The following KLHL2 variants were observed in gnomAD, a reference collection of about 807,000 sequenced individuals.
KLHL2 encodes the protein kelch-like protein 2.
In KLHL2, 15 loss-of-function variants were observed where a neutral mutation model predicts 75.8. That is an observed-to-expected ratio of 0.20 (90% CI 0.13 to 0.30). The LOEUF is 0.30. KLHL2 is among the 10% of genes least tolerant of loss of function. The pLI is 1.00. For synonymous variants in KLHL2, 214 were observed against 251.9 expected (o/e 0.85, Z 1.42); for missense variants, 381 against 741.0 (o/e 0.51, Z 5.64).
chr4:165,254,451 T>G (rs953092185), intron 4 of KLHL2, among the ~76,000 whole-genome samples: 3 of 152,256 alleles, frequency 2.0e-5, no homozygotes, highest in African/African-American at 7.2e-5. Flanking sequence ...TGGACTTTTT[T>G]CTCAAGGTAG....
chr4:165,241,915 A>G (rs1739850074), intron 4 of KLHL2, among the ~76,000 whole-genome samples: 1 of 152,232 alleles, frequency 6.6e-6, no homozygotes, highest in East Asian at 1.9e-4. Flanking sequence ...TATTGTTATT[A>G]TAGTCCCTTC....
intron 6 of KLHL2, among the ~76,000 whole-genome samples, chr4:165,295,145 GA>G (rs1453538816): frequency 1.3e-5 from 2 of 152,122 alleles, no homozygotes; most frequent in East Asian, 3.9e-4. Context: ...GTTGGAGAGA[GA>G]AGCTCCTTTT....
chr4:165,285,221 C>G (rs907132754), intron 5 of KLHL2, among the ~76,000 whole-genome samples: 16 of 152,128 alleles, frequency 1.1e-4, no homozygotes, highest in Middle Eastern at 3.2e-3. Flanking sequence ...GTCAGGTGAC[C>G]TTTCAGATCT....
chr4:165,244,057 CTTTT>C (rs35091242), intron 4 of KLHL2, among the ~76,000 whole-genome samples: 1 of 151,116 alleles, frequency 6.6e-6, no homozygotes, highest in Non-Finnish European at 1.5e-5. Flanking sequence ...AATTTCCAGG[CTTTT>C]TTTTTAAGTG....
intron 5 of KLHL2, among the ~76,000 whole-genome samples, chr4:165,269,572 A>C (rs1275322099): frequency 1.3e-5 from 2 of 150,628 alleles, no homozygotes; most frequent in African/African-American, 2.4e-5. Flanking sequence ...TTTACTTATG[A>C]AGCTGAGTTT....
In KLHL2 at chr4:165,234,396, CTG is replaced by C. The variant is rs202028627; in HGVS notation, c.260-4378_260-4377del. 1.3e-3 allele frequency among the ~76,000 whole-genome samples: 200 copies of C among 152,142 alleles called. No individual in the cohort carries two copies. The East Asian group carries it at 0.032, about 25-fold the overall frequency. On this transcript the variant is annotated intron_variant, in intron 3 of 14. Coordinates refer to ENST00000226725, the MANE Select transcript of KLHL2 (RefSeq NM_007246.4). The stretch of plus-strand genomic sequence containing the variant: ...TAGAGTTTCAGCATAGTCAGAGTTT[CTG>C]TGTTACACTTTTATTTTTTTTCAGA...
intron 2 of KLHL2, among the ~76,000 whole-genome samples, chr4:165,221,576 AT>A (rs1738000164): frequency 6.6e-6 from 1 of 152,126 alleles, no homozygotes; most frequent in African/African-American, 2.4e-5. Context: ...AGGTCCTGAA[AT>A]TTTGGTCTTA....
At chr4:165,240,074 T>C (rs569346025) in intron 4 of KLHL2, among the ~76,000 whole-genome samples, 2 of 152,332 alleles carry the variant, frequency 1.3e-5, no homozygotes, top group South Asian at 2.1e-4. Flanking sequence ...TTTTATAAGC[T>C]GGATTCCTCA....
chr4:165,248,097 G>A (rs1049267161), intron 4 of KLHL2, among the ~76,000 whole-genome samples: 4 of 151,920 alleles, frequency 2.6e-5, no homozygotes, highest in Non-Finnish European at 5.9e-5. Context: ...AGGTTGGCTG[G>A]GTGATTGGCT....
intron 8 of KLHL2, 41 bp downstream of exon 8, chr4:165,299,697 A>G: frequency 6.6e-7 from 1 of 1,505,806 alleles, no homozygotes; most frequent in African/African-American, 1.4e-5. Flanking sequence ...CTCATGCAAA[A>G]GGCTTATAAG....
At chr4:165,258,351 A>G (rs1461409576) in intron 4 of KLHL2, among the ~76,000 whole-genome samples, 2 of 150,864 alleles carry the variant, frequency 1.3e-5, no homozygotes, top group Non-Finnish European at 2.9e-5. Context: ...AGAGTACTGT[A>G]TAGAAATCCA....
At chr4:165,236,192 G>A (rs1739333500) in intron 3 of KLHL2, among the ~76,000 whole-genome samples, 1 of 152,186 alleles carries the variant, frequency 6.6e-6, no homozygotes, top group African/African-American at 2.4e-5. Flanking sequence ...AGAGAATCAA[G>A]GATGACTCTC....
intron 2 of KLHL2, among the ~76,000 whole-genome samples, chr4:165,223,033 T>G (rs1738132190): frequency 6.6e-6 from 1 of 152,276 alleles, no homozygotes; most frequent in Non-Finnish European, 1.5e-5. Context: ...GAATTAAAAT[T>G]GTTTGATAGA....
At chr4:165,210,575 T>C (rs761505663) in intron 1 of KLHL2, among the ~76,000 whole-genome samples, 1 of 152,236 alleles carries the variant, frequency 6.6e-6, no homozygotes, top group Non-Finnish European at 1.5e-5. Context: ...CTGGGTGATA[T>C]TGAGACTGTG....
intron 3 of KLHL2, 25 bp from the exon 4 acceptor site, chr4:165,238,753 T>C: frequency 6.2e-7 from 1 of 1,612,126 alleles, no homozygotes. Context: ...TGCTGTAACA[T>C]CACTCTTATT....
chr4:165,243,490 TA>T (rs1393371907), intron 4 of KLHL2, among the ~76,000 whole-genome samples: 1 of 152,260 alleles, frequency 6.6e-6, no homozygotes, highest in East Asian at 1.9e-4. Context: ...GGATGGGTTT[TA>T]AAAAGTTCAT....
At chr4:165,230,325 G>A (rs1317932962) in intron 3 of KLHL2, among the ~76,000 whole-genome samples, 2 of 152,170 alleles carry the variant, frequency 1.3e-5, no homozygotes, top group Non-Finnish European at 2.9e-5. Flanking sequence ...TAGGTCTTTG[G>A]AAAACTTAAT....
Position 165,314,121 on chromosome 4 carries a change from G to A in KLHL2, c.1564G>A (p.Ala522Thr), listed in dbSNP as rs144649567. Residue 522 changes from alanine to threonine, a missense_variant, in exon 13 of 15, where the codon GCA becomes ACA. Transcript: ENST00000226725. ...SVEVYDPTTN[A>T]WRQVADMNMC... ...TGAAGTATATGATCCCACCACTAAC[G>A]CATGGAGACAGGTTGCAGATATGAA... 49 of 1,613,482 alleles carry A rather than the reference G, an allele frequency of 3.0e-5. No individual in the cohort carries two copies. In the African/African-American group the frequency reaches 3.5e-4, roughly 11 times the overall value.
intron 4 of KLHL2, among the ~76,000 whole-genome samples, chr4:165,259,539 C>T (rs1470429084): frequency 2.6e-5 from 4 of 152,204 alleles, no homozygotes; most frequent in Non-Finnish European, 4.4e-5. Context: ...TGACCTTTAG[C>T]AAGTTACCCA....
Sources: allele counts gnomAD v4.1 joint callset (sites outside exome capture counted in the v4.1 genomes callset), GRCh38; gene constraint gnomAD v4.1.1; transcripts MANE v1.5; gene names NCBI Gene and HGNC (gene_info 2026-07-23, HGNC 2026-07-21).